The following CDH26 variants were observed in gnomAD, a reference collection of about 807,000 sequenced individuals.
CDH26 encodes the protein cadherin 26.
Under a neutral mutation model 90.3 loss-of-function variants are expected in CDH26, and 83 were observed. The ratio of observed to expected loss-of-function variants is 0.92; its 90% confidence interval spans 0.77 to 1.10. The LOEUF is 1.10. CDH26 is among the 50% of genes least tolerant of loss of function. CDH26 has a pLI of 0.00. For synonymous variants in CDH26, 397 were observed against 396.3 expected, an observed-to-expected ratio of 1.00 and a Z score of -0.02; for missense variants, 1,013 against 1,037.6, an observed-to-expected ratio of 0.98 and a Z score of 0.33.
Position 60,019,847 on chromosome 20 carries a change from G to T in CDH26, c.948-11384G>T, listed in dbSNP as rs1359366584. On this transcript the variant is annotated intron_variant, in intron 7 of 8. Coordinates refer to the CDH26 transcript ENST00000370991. ...CACCTCTTCTAATTTTATGGAGTAG[G>T]TTTCATATGGAAAAACTTATTCATA... Among the ~76,000 whole-genome samples, 3 of 152,262 alleles carry T rather than the reference G, an allele frequency of 2.0e-5. No individual in the cohort carries two copies. In the East Asian group the frequency reaches 5.8e-4, roughly 29 times the overall value.
rs2061536611 is a variant in CDH26 at position 59,992,308 on chromosome 20, T to A, written c.1284-70T>A. ...GTTTCTATGACATATTTTGTTTTTTTATGCAACTTTTTTATCTTTTAATGT... is the reference window on the plus strand; with the variant it reads ...GTTTCTATGACATATTTTGTTTTTTAATGCAACTTTTTTATCTTTTAATGT... On this transcript the variant is annotated intron_variant, in intron 9 of 17. Transcript: ENST00000348616. The surrounding 1 kb of genome is among the most constrained non-coding windows in gnomAD (Gnocchi z 5.0). The A allele has an allele frequency of 1.3e-6, 2 of 1,491,522 alleles. No homozygotes were observed. Among genetic ancestry groups the A allele is most frequent in the Non-Finnish European group, 1.8e-6 (2 of 1,104,614 alleles). The allele number at this position is 1,491,522 out of a possible 1,614,324, so 92.4% of individuals were successfully genotyped here.
Position 59,988,920 on chromosome 20 carries a change from C to A in CDH26, c.1040C>A (p.Thr347Asn), listed in dbSNP as rs1351876576. The A allele has an allele frequency of 1.2e-6, 2 of 1,613,948 alleles. No homozygotes were observed. The highest frequency in any genetic ancestry group is 1.7e-6 in the Non-Finnish European group (2 of 1,179,992). Residue 347 changes from threonine (T) to asparagine (N), a missense_variant, in exon 9 of 18, where the codon ACT becomes AAT. Coordinates refer to ENST00000348616, the MANE Select transcript of CDH26 (RefSeq NM_177980.4). ...GGGTTCCAGCCTTTGGATTATGAGA[C>A]TCGCCCAGCGCAAAGCCTCATCATT... ...LNVIKPLDYE[T>N]RPAQSLIIVV...
rs1004575488 is a variant in CDH26 at position 60,013,257 on chromosome 20, A to G, written c.*527A>G. ...TGGTCCCTGTTCACTTTTTGATTAG[A>G]TAAATAGATAAAATATGTTATCTTG... is the stretch of plus-strand genomic sequence containing the variant. On this transcript the variant is annotated 3_prime_UTR_variant, in exon 18 of 18. Transcript: ENST00000348616. 2.6e-5 allele frequency: 4 copies of G among 152,364 alleles called. No individual in the cohort carries two copies. The highest frequency in any genetic ancestry group is 9.7e-5 in the African/African-American group (4 of 41,444). The allele number at this position is 152,364 out of a possible 1,614,324, so 9.4% of individuals were successfully genotyped here.
At position 59,988,989 on chromosome 20, in the gene CDH26, A is replaced by G. The variant is rs771855893; in HGVS notation, c.1109A>G (p.Lys370Arg). The G allele has an allele frequency of 1.2e-6, 2 of 1,614,060 alleles. No homozygotes were observed. The highest frequency in any genetic ancestry group is 1.7e-6 in the Non-Finnish European group (2 of 1,180,050). The change falls in exon 9 of 18, where the codon AAG becomes AGG. Residue 370 changes from lysine to arginine, a missense_variant. Physicochemically the swap from Lys to Arg is conservative, Grantham distance 26. Transcript: ENST00000348616. ...EERLVFCERG[K>R]LQPPRKAAAS... is the part of the protein sequence containing the mutation. Reference sequence around the variant, plus strand: ...AGGCTCGTCTTCTGTGAGAGAGGAAAGCTTCAGCCGCCAAGGAAGGCAGCA... The same window carrying G: ...AGGCTCGTCTTCTGTGAGAGAGGAAGGCTTCAGCCGCCAAGGAAGGCAGCA...
Position 60,002,863 on chromosome 20 carries a change from T to A in CDH26, c.2217T>A (p.Thr739=). 7 of 1,590,614 alleles carry A rather than the reference T, an allele frequency of 4.4e-6. No homozygotes were observed. The highest frequency in any genetic ancestry group is 6.0e-6 in the Non-Finnish European group (7 of 1,164,902). Residue 739 remains threonine (T), a synonymous_variant, in exon 16 of 18, where the codon ACT becomes ACA. Coordinates refer to ENST00000348616, the MANE Select transcript of CDH26 (RefSeq NM_177980.4). The stretch of plus-strand genomic sequence containing the variant: ...GAAGTGTGAAAAACATACACTCTAC[T>A]CCTGTAAGTATAGATGTAGGTGTTA... ...EPRSVKNIHS[T]PAYPDATMHR...
At chr20:59,958,879 G>A in intron 1 of CDH26, 84 bp downstream of exon 1, 1 of 1,389,920 alleles carries the variant, frequency 7.2e-7, no homozygotes, top group Non-Finnish European at 9.9e-7. Context: ...TAGGCTAAGG[G>A]AGGGGAGAGG....
chr20:60,015,529 C>G (rs965402697), downstream of CDH26, among the ~76,000 whole-genome samples: 1 of 152,154 alleles, frequency 6.6e-6, no homozygotes, highest in Non-Finnish European at 1.5e-5. Context: ...AGATAATAAC[C>G]CCTTATTGGA....
intron 3 of CDH26, 115 bp from the exon 4 acceptor site, chr20:59,971,847 C>A: frequency 1.3e-6 from 1 of 742,116 alleles, no homozygotes; most frequent in Non-Finnish European, 2.2e-6. Flanking sequence ...GCAGATGTGC[C>A]ATTGCTGGGT....
rs371558249 is a variant in CDH26, at chr20:60,012,522, C to T, written c.2296-5C>T. 4 of 1,609,678 alleles carry T rather than the reference C, an allele frequency of 2.5e-6. No homozygotes were observed. The highest frequency in any genetic ancestry group is 2.7e-5 in the African/African-American group (2 of 74,718). On this transcript the variant is annotated splice_polypyrimidine_tract_variant and splice_region_variant and intron_variant, in intron 17 of 17. Transcript: ENST00000348616. The stretch of plus-strand genomic sequence containing the variant: ...TTACCTTCTCTTTCCCCCACTTTTC[C>T]CCAGAAACTCCATGTTGCCAATGTG...
intron 5 of CDH26, among the ~76,000 whole-genome samples, chr20:59,983,521 C>T (rs2061419265): frequency 6.6e-6 from 1 of 152,042 alleles, no homozygotes; most frequent in Non-Finnish European, 1.5e-5. Context: ...ATCATCTCTC[C>T]AAAAAATTCC....
chr20:59,975,185 G>A (rs1216632547), intron 4 of CDH26, among the ~76,000 whole-genome samples: 2 of 152,148 alleles, frequency 1.3e-5, no homozygotes, highest in East Asian at 3.8e-4. Context: ...TGGATATAGG[G>A]TCTTTGTAGG....
At chr20:59,983,157 C>A in intron 5 of CDH26, 87 bp downstream of exon 5, 1 of 1,466,540 alleles carries the variant, frequency 6.8e-7, no homozygotes, top group South Asian at 1.4e-5. Flanking sequence ...TGATCCTAGT[C>A]ATCTTCAGGG....
chr20:60,016,240 T>C (rs2146027492), downstream of CDH26, among the ~76,000 whole-genome samples: 1 of 152,342 alleles, frequency 6.6e-6, no homozygotes, highest in African/African-American at 2.4e-5. Flanking sequence ...CATTAATTCT[T>C]CTGATCCATG....
At chr20:59,994,710 G>A (rs566824412) in intron 11 of CDH26, among the ~76,000 whole-genome samples, 3 of 152,084 alleles carry the variant, frequency 2.0e-5, no homozygotes, top group Non-Finnish European at 4.4e-5. Flanking sequence ...TCCTCATCAG[G>A]GGGTAGGAGG....
chr20:59,996,837 C>A (rs2061604776), intron 13 of CDH26, 76 bp downstream of exon 13: 32 of 1,567,292 alleles, frequency 2.0e-5, no homozygotes, highest in Non-Finnish European at 2.6e-5. Flanking sequence ...TATTTTTCCC[C>A]CCATTGTGCC....
At chr20:60,020,436 C>A (rs1198800575) in intron 7 of CDH26, among the ~76,000 whole-genome samples, 2 of 152,190 alleles carry the variant, frequency 1.3e-5, no homozygotes, top group African/African-American at 4.8e-5. Flanking sequence ...TGGGTTCACC[C>A]TGGGCAGGAC....
chr20:60,011,753 T>C (rs2061846093), intron 17 of CDH26, among the ~76,000 whole-genome samples: 2 of 151,964 alleles, frequency 1.3e-5, no homozygotes, highest in South Asian at 4.2e-4. Flanking sequence ...TGGCGAGCAT[T>C]GAGGGAGGGA....
intron 7 of CDH26, among the ~76,000 whole-genome samples, chr20:60,026,205 C>T (rs1291721437): frequency 6.6e-6 from 1 of 152,206 alleles, no homozygotes; most frequent in Non-Finnish European, 1.5e-5. Flanking sequence ...TGAAGACATC[C>T]TCCCAAGATT....
intron 1 of CDH26, among the ~76,000 whole-genome samples, chr20:59,962,163 TG>T (rs1334041918): frequency 1.3e-5 from 2 of 151,974 alleles, no homozygotes; most frequent in African/African-American, 4.8e-5. Flanking sequence ...GTAAAAACAC[TG>T]GGGGGAAAGG....
Sources: gnomAD v4.1 joint callset for allele counts (sites outside exome capture counted in the v4.1 genomes callset) on GRCh38, gnomAD v4.1.1 for gene constraint, Gnocchi (gnomAD v3.1) non-coding constraint, MANE v1.5 for transcripts, NCBI Gene and HGNC (gene_info 2026-07-23, HGNC 2026-07-21) for gene names.